TOGARAM2: variants seen among roughly 807,000 people sequenced by gnomAD.
TOGARAM2 encodes TOG array regulator of axonemal microtubules protein 2.
Under a neutral mutation model 93.3 loss-of-function variants are expected in TOGARAM2, and 85 were observed. The observed-to-expected ratio is 0.91, with a 90% CI of 0.76 to 1.09. TOGARAM2 has a LOEUF of 1.09. Among genes scored for constraint, TOGARAM2 ranks in the 50% least tolerant of loss-of-function variants. TOGARAM2 has a pLI of 0.00. For synonymous variants in TOGARAM2, 593 were observed against 552.8 expected (o/e 1.07, Z -1.02); for missense variants, 1,277 against 1,334.5 (o/e 0.96, Z 0.67).
At chr2:29,049,688 G>A (rs1379358228) in intron 19 of TOGARAM2, 3 of 152,228 alleles carry the variant, frequency 2.0e-5, no homozygotes, top group Non-Finnish European at 4.4e-5. Context: ...TTTCCAACCA[G>A]TGTACCTCTT....
At chr2:29,017,039 T>G in intron 8 of TOGARAM2, 115 bp from the exon 9 acceptor site, 2 of 1,363,910 alleles carry the variant, frequency 1.5e-6, no homozygotes, top group South Asian at 2.8e-5. Context: ...GGAGTTTGTC[T>G]TTTTTGTTCA....
intron 13 of TOGARAM2, 45 bp downstream of exon 13, chr2:29,024,419 G>T (rs952412282): frequency 7.7e-7 from 1 of 1,298,870 alleles, no homozygotes; most frequent in Non-Finnish European, 1.0e-6. Context: ...GTCAGGGAAG[G>T]TAAGGCAAGG....
rs929510425 is a variant in TOGARAM2 at position 28,975,439 on chromosome 2, C to T, written c.-147+18742C>T. Among the ~76,000 whole-genome samples the T allele has an allele frequency of 5.3e-5, 8 of 152,136 alleles. No homozygotes were observed. The East Asian group carries it at 5.8e-4, about 11-fold the overall frequency. On this transcript the variant is annotated intron_variant, in intron 1 of 6. Transcript: ENST00000401723. ...TCCTGACCTCGTGATCTGCCCGCCT[C>T]GGCCTCCCAAAGTGCTGGGATTACA...
chr2:28,966,850 G>C (rs558569057), intron 1 of TOGARAM2, among the ~76,000 whole-genome samples: 1 of 152,264 alleles, frequency 6.6e-6, no homozygotes, highest in African/African-American at 2.4e-5. Flanking sequence ...AGGAGAAATG[G>C]CACCCATTTT....
chr2:28,994,950 ATGTGGGGATAAAGGGC>A, intron 2 of TOGARAM2, 88 bp downstream of exon 2: 1 of 1,483,020 alleles, frequency 6.7e-7, no homozygotes, highest in South Asian at 1.2e-5. Context: ...AAAAAGGGAG[ATGTGGGGATAAAGGGC>A]TGCTGGGAGA....
intron 9 of TOGARAM2, 132 bp from the exon 10 acceptor site, chr2:29,017,660 C>A: frequency 2.3e-6 from 2 of 877,822 alleles, no homozygotes; most frequent in Non-Finnish European, 3.4e-6. Context: ...ATCCTCCTAC[C>A]TCGGACTCCC....
Position 29,002,862 on chromosome 2 carries a change from G to A in TOGARAM2, c.639+115G>A. On this transcript the variant is annotated intron_variant, in intron 5 of 19. Transcript: ENST00000379558. ...CTCCATGCCCTGAGCATCCCTGGAG[G>A]TGTCTTGAGGTCTGCAGTGAGGATA... The A allele has an allele frequency of 6.2e-6, 6 of 970,790 alleles. No homozygotes were observed. In the South Asian group the frequency reaches 9.5e-5, roughly 15 times the overall value. The allele number at this position is 970,790 out of a possible 1,614,324, so 60.1% of individuals were successfully genotyped here. A position where few individuals can be genotyped will look rare whatever the true frequency, so the allele number is the denominator to read the frequency against.
chr2:28,983,647 C>G (rs1006365191), intron 1 of TOGARAM2, among the ~76,000 whole-genome samples: 4 of 152,118 alleles, frequency 2.6e-5, no homozygotes, highest in African/African-American at 9.7e-5. Flanking sequence ...ATCACCTGTG[C>G]AAGACTTTCT....
chr2:28,976,668 C>T (rs1337817404), upstream of TOGARAM2, among the ~76,000 whole-genome samples: 1 of 152,238 alleles, frequency 6.6e-6, no homozygotes, highest in African/African-American at 2.4e-5. Flanking sequence ...CCCATCCTGT[C>T]ATTACCACTG....
At position 29,025,394 on chromosome 2, in the gene TOGARAM2, T is replaced by C. The variant is rs191479844; in HGVS notation, c.1853+1020T>C. On this transcript the variant is annotated intron_variant, in intron 13 of 19. Coordinates refer to ENST00000379558, the MANE Select transcript of TOGARAM2 (RefSeq NM_199280.4). ...ATTAACTTAGGAGAAATGAATTGTA[T>C]TTTTTTTTTCTGGATGCCTCCCTTT... Among the ~76,000 whole-genome samples the C allele has an allele frequency of 5.2e-3, 399 of 76,280 alleles. 3 individuals carry two copies. The highest frequency in any genetic ancestry group is 8.5e-3 in the Non-Finnish European group (289 of 34,198). The allele number at this position is 76,280 out of a possible 152,430, so 50.0% of individuals were successfully genotyped here.
intron 6 of TOGARAM2, among the ~76,000 whole-genome samples, chr2:29,003,988 T>C (rs538567264): frequency 3.9e-5 from 6 of 152,214 alleles, no homozygotes; most frequent in Non-Finnish European, 7.3e-5. Flanking sequence ...AAAACACTAA[T>C]TATTTTATCT....
intron 1 of TOGARAM2, among the ~76,000 whole-genome samples, chr2:28,985,189 G>A (rs746403869): frequency 6.6e-6 from 1 of 152,098 alleles, no homozygotes; most frequent in Non-Finnish European, 1.5e-5. Flanking sequence ...AGACCAGAGA[G>A]CTTGCTCTCT....
chr2:29,025,568 G>T (rs1264176688), intron 13 of TOGARAM2, among the ~76,000 whole-genome samples: 2 of 152,130 alleles, frequency 1.3e-5, no homozygotes, highest in South Asian at 2.1e-4. Context: ...ATCTGAGTCC[G>T]CTGGGATCTT....
At chr2:28,972,972 G>A (rs774972280) in intron 1 of TOGARAM2, among the ~76,000 whole-genome samples, 18 of 152,166 alleles carry the variant, frequency 1.2e-4, no homozygotes, top group Non-Finnish European at 2.2e-4. Flanking sequence ...GAGCCACGTG[G>A]CCAAGCCCAA....
At chr2:29,022,987 T>C in intron 11 of TOGARAM2, 99 bp from the exon 12 acceptor site, 6 of 953,988 alleles carry the variant, frequency 6.3e-6, no homozygotes, top group South Asian at 1.5e-5. Flanking sequence ...CGGGTGACGG[T>C]GGACCGTGAT....
intron 14 of TOGARAM2, among the ~76,000 whole-genome samples, chr2:29,029,825 T>C (rs922663840): frequency 6.7e-6 from 1 of 150,354 alleles, no homozygotes; most frequent in African/African-American, 2.4e-5. Context: ...GGGTGAGGGA[T>C]GAAAGGCTGC....
intron 6 of TOGARAM2, among the ~76,000 whole-genome samples, chr2:29,007,581 C>A (rs1663959576): frequency 6.6e-6 from 1 of 152,146 alleles, no homozygotes; most frequent in South Asian, 2.1e-4. Context: ...AGTATCCTTG[C>A]AGCCCTGTGC....
At chr2:29,044,313 T>G (rs1438736799) in intron 18 of TOGARAM2, among the ~76,000 whole-genome samples, 1 of 152,232 alleles carries the variant, frequency 6.6e-6, no homozygotes, top group Non-Finnish European at 1.5e-5. Flanking sequence ...ACATTCATGC[T>G]GGGTCTGAGA....
At chr2:28,982,348 C>T (rs1393668330) in intron 1 of TOGARAM2, among the ~76,000 whole-genome samples, 1 of 152,082 alleles carries the variant, frequency 6.6e-6, no homozygotes, top group African/African-American at 2.4e-5. Flanking sequence ...TCCTCAGGAG[C>T]GCTGGGAGGG....
Sources: gnomAD v4.1 joint callset for allele counts (sites outside exome capture counted in the v4.1 genomes callset) on GRCh38, gnomAD v4.1.1 for gene constraint, MANE v1.5 for transcripts, NCBI Gene and HGNC (gene_info 2026-07-23, HGNC 2026-07-21) for gene names.